The following FBXO38 variants were observed in gnomAD, a reference collection of about 807,000 sequenced individuals.
FBXO38 encodes the protein F-box protein 38, also known as F-box only protein 38.
A neutral mutation model predicts 131.9 loss-of-function variants in FBXO38; 53 were observed. The observed-to-expected ratio is 0.40, with a 90% CI of 0.32 to 0.51. The LOEUF is 0.51. Among genes scored for constraint, FBXO38 ranks in the 20% least tolerant of loss-of-function variants. The pLI is 0.53. For synonymous variants in FBXO38, 452 were observed against 505.6 expected, an observed-to-expected ratio of 0.89 and a Z score of 1.42; for missense variants, 1,076 against 1,475.6, an observed-to-expected ratio of 0.73 and a Z score of 4.44.
chr5:148,430,737 G>GTT (rs1288767992), intron 15 of FBXO38: 1 of 152,248 alleles, frequency 6.6e-6, no homozygotes, highest in East Asian at 1.9e-4. Context: ...AAAATGTAAC[G>GTT]TTTGAGTTCT....
chr5:148,385,077 C>T (rs1484643579), intron 1 of FBXO38: 1 of 152,144 alleles, frequency 6.6e-6, no homozygotes, highest in African/African-American at 2.4e-5. Flanking sequence ...CCATGATTTT[C>T]CCAGGGAAGG....
intron 17 of FBXO38, among the ~76,000 whole-genome samples, chr5:148,435,705 G>T (rs888350464): frequency 6.6e-6 from 1 of 152,198 alleles, no homozygotes; most frequent in Non-Finnish European, 1.5e-5. Flanking sequence ...GGTAGGCGGG[G>T]CTTGCAGTGA....
chr5:148,401,149 A>G (rs1752129946), intron 3 of FBXO38, among the ~76,000 whole-genome samples: 1 of 152,174 alleles, frequency 6.6e-6, no homozygotes, highest in Non-Finnish European at 1.5e-5. Flanking sequence ...TTTGTCATTA[A>G]TAAGCAGACA....
At chr5:148,436,456 T>A (rs2113657720) in intron 17 of FBXO38, among the ~76,000 whole-genome samples, 1 of 152,342 alleles carries the variant, frequency 6.6e-6, no homozygotes, top group Middle Eastern at 3.4e-3. Flanking sequence ...GCATTTCAGA[T>A]TTCAGATTTT....
intron 8 of FBXO38, 32 bp from the exon 9 acceptor site, chr5:148,410,603 T>A: frequency 6.2e-7 from 1 of 1,610,750 alleles, no homozygotes; most frequent in Non-Finnish European, 8.5e-7. Context: ...GTTTTTGTTT[T>A]ACTCTGATAT....
chr5:148,403,905 G>A (rs916518103), intron 5 of FBXO38, among the ~76,000 whole-genome samples: 1 of 152,054 alleles, frequency 6.6e-6, no homozygotes, highest in East Asian at 1.9e-4. Flanking sequence ...TAATAAATTT[G>A]TGTCCCTTCC....
chr5:148,434,027 A>G (rs1754195362), intron 17 of FBXO38: 1 of 203,622 alleles, frequency 4.9e-6, no homozygotes, highest in Non-Finnish European at 9.9e-6. Flanking sequence ...AGTCAGATAG[A>G]CCTCAGCTTG....
Position 148,442,788 on chromosome 5 carries a change from G to T in FBXO38, c.*641G>T, listed in dbSNP as rs1030517354. On this transcript the variant is annotated 3_prime_UTR_variant, in exon 22 of 22. Transcript: ENST00000340253. ...TAGTAATTTATTTCCACATTGAATT[G>T]TGTATATGCTTTATCTTGAATATAA... 2 of 152,278 alleles carry T rather than the reference G, an allele frequency of 1.3e-5. No individual in the cohort carries two copies. Among genetic ancestry groups the T allele is most frequent in the African/African-American group, 2.4e-5 (1 of 41,550 alleles). 9.4% of individuals were successfully genotyped at this position (152,278 alleles called of 1,614,324 possible).
Position 148,404,804 on chromosome 5 carries a change from G to C in FBXO38, c.712G>C (p.Val238Leu), listed in dbSNP as rs144890577. ...DFLCISLRTF[V>L]MRNCAGPTNS... is the part of the protein sequence containing the mutation. ...CCTTTGTATCAGCTTAAGAACTTTC[G>C]TCATGAGGAACTGTGCAGGTAATGG... is the stretch of plus-strand genomic sequence containing the variant. Residue 238 changes from valine (V) to leucine (L), a missense_variant, in exon 6 of 22, where the codon GTC becomes CTC. Val to Leu is a conservative substitution (Grantham distance 32). This residue lies in a region of FBXO38 where 66 missense variants were observed against 72.4 expected (regional missense o/e 0.91). Coordinates refer to ENST00000340253, the MANE Select transcript of FBXO38 (RefSeq NM_205836.3). 8.1e-6 allele frequency: 13 copies of C among 1,606,166 alleles called. No individual in the cohort carries two copies. The highest frequency in any genetic ancestry group is 1.3e-5 in the African/African-American group (1 of 74,544).
intron 13 of FBXO38, 118 bp downstream of exon 13, chr5:148,424,235 G>C: frequency 1.0e-6 from 1 of 987,662 alleles, no homozygotes; most frequent in Non-Finnish European, 1.5e-6. Flanking sequence ...TACGTTTTAT[G>C]CTATTGATTA....
intron 4 of FBXO38, 99 bp from the exon 5 acceptor site, chr5:148,402,249 C>CTT: frequency 1.3e-6 from 2 of 1,541,342 alleles, no homozygotes; most frequent in East Asian, 4.5e-5. Flanking sequence ...CTGTCACAAA[C>CTT]TTTTAAGTTC....
chr5:148,442,625 G>C lies in FBXO38; in HGVS notation c.*478G>C, dbSNP rs1754758186. ...CAACTAAACCTTATAGTCAAGACAA[G>C]GCTCTATGTTTCTGTACAAAGCTGT... is the stretch of plus-strand genomic sequence containing the variant. On this transcript the variant is annotated 3_prime_UTR_variant, in exon 22 of 22. Coordinates refer to ENST00000340253, the MANE Select transcript of FBXO38 (RefSeq NM_205836.3). 6.6e-6 allele frequency: 1 copy of C among 152,310 alleles called. No individual in the cohort carries two copies. Among genetic ancestry groups the C allele is most frequent in the African/African-American group, 2.4e-5 (1 of 41,382 alleles). The allele number at this position is 152,310 out of a possible 1,614,324, so 9.4% of individuals were successfully genotyped here.
intron 12 of FBXO38, among the ~76,000 whole-genome samples, chr5:148,421,889 G>C (rs574994188): frequency 6.6e-6 from 1 of 152,178 alleles, no homozygotes; most frequent in South Asian, 2.1e-4. Context: ...AATTACCAGA[G>C]ACTAAAATCA....
At chr5:148,399,918 AAAAAAT>A (rs1240929131) in intron 3 of FBXO38, among the ~76,000 whole-genome samples, 19 of 151,998 alleles carry the variant, frequency 1.3e-4, no homozygotes, top group Non-Finnish European at 4.4e-5. Flanking sequence ...GAGGGGAACC[AAAAAAT>A]AAAAATAAAA....
intron 8 of FBXO38, 68 bp from the exon 9 acceptor site, chr5:148,410,567 A>G (rs1752692531): frequency 1.9e-6 from 3 of 1,568,468 alleles, no homozygotes; most frequent in African/African-American, 1.4e-5. Context: ...ATACACTTAT[A>G]TTAGGAGGAA....
chr5:148,414,913 A>T (rs1752964815), intron 10 of FBXO38, among the ~76,000 whole-genome samples: 1 of 152,170 alleles, frequency 6.6e-6, no homozygotes, highest in Non-Finnish European at 1.5e-5. Context: ...CCATTAAATA[A>T]ATTGAGAGCC....
intron 1 of FBXO38, among the ~76,000 whole-genome samples, chr5:148,387,719 G>A (rs1276080412): frequency 7.1e-6 from 1 of 140,716 alleles, no homozygotes; most frequent in Admixed American, 7.3e-5. Flanking sequence ...TTGAGATGGA[G>A]TCTAGCTCTG....
chr5:148,387,662 G>A (rs1299228620), intron 1 of FBXO38, among the ~76,000 whole-genome samples: 1 of 151,558 alleles, frequency 6.6e-6, no homozygotes, highest in Non-Finnish European at 1.5e-5. Context: ...CACAGTCTAT[G>A]GCAGCTATAG....
chr5:148,387,805 C>A (rs1299926056), intron 1 of FBXO38, among the ~76,000 whole-genome samples: 1 of 151,208 alleles, frequency 6.6e-6, no homozygotes, highest in African/African-American at 2.4e-5. Flanking sequence ...AATTCTCCTG[C>A]CTCAGCCTCC....
Sources: allele counts gnomAD v4.1 joint callset (sites outside exome capture counted in the v4.1 genomes callset), GRCh38; gene constraint gnomAD v4.1.1; regional missense constraint gnomAD v4.1.1; transcripts MANE v1.5; gene names NCBI Gene and HGNC (gene_info 2026-07-23, HGNC 2026-07-21).